The following WDR18 variants were observed in gnomAD, a reference collection of about 807,000 sequenced individuals.
WDR18 encodes the protein WD repeat domain 18, also known as WD repeat-containing protein 18.
In WDR18, 33 loss-of-function variants were observed where a neutral mutation model predicts 49.6. The observed-to-expected ratio is 0.67, with a 90% confidence interval of 0.50 to 0.89. The LOEUF (loss-of-function observed/expected upper bound fraction) is 0.89, where lower values mean the gene tolerates loss of function less well. WDR18 is among the 40% of genes least tolerant of loss of function. The pLI is 0.00. For synonymous variants in WDR18, 315 were observed against 263.6 expected, an observed-to-expected ratio of 1.19 and a Z score of -1.89; for missense variants, 653 against 593.6, an observed-to-expected ratio of 1.10 and a Z score of -1.04.
chr19:994,049 G>C lies in WDR18; in HGVS notation c.1128G>C (p.Thr376=), dbSNP rs749901185. ...CGGAGCCCAGCTACCTGGACCGCAC[G>C]GAGCAGCTGCAGGCCGTCCTGTGCA... ...QGSEPSYLDR[T]EQLQAVLCST... Residue 376 remains threonine (T), a synonymous_variant, in exon 9 of 10, where the codon ACG becomes ACC. Transcript: ENST00000585809. The C allele has an allele frequency of 4.5e-6, 7 of 1,560,868 alleles. No homozygotes were observed. Among genetic ancestry groups the C allele is most frequent in the African/African-American group, 2.7e-5 (2 of 73,596 alleles).
chr19:984,686 G>T, intron 1 of WDR18, 123 bp downstream of exon 1: 2 of 1,036,192 alleles, frequency 1.9e-6, no homozygotes, highest in Admixed American at 4.0e-5. Flanking sequence ...GGTGGTCTCC[G>T]TTCGGGCGCT....
At chr19:986,109 C>A in intron 2 of WDR18, 134 bp downstream of exon 2, 2 of 751,596 alleles carry the variant, frequency 2.7e-6, no homozygotes, top group South Asian at 3.4e-5. Flanking sequence ...ATAGCCTAAG[C>A]TTCACCCTGC....
At chr19:990,462 G>T in intron 4 of WDR18, 98 bp downstream of exon 4, 1 of 1,403,724 alleles carries the variant, frequency 7.1e-7, no homozygotes, top group Middle Eastern at 1.9e-4. Flanking sequence ...GCTCCCTGCT[G>T]TCAGGACTCC....
At position 994,206 on chromosome 19, in the gene WDR18, C is replaced by T; in HGVS notation, c.1168-7C>T. The T allele has an allele frequency of 1.9e-6, 3 of 1,596,458 alleles. No homozygotes were observed. Among genetic ancestry groups the T allele is most frequent in the South Asian group, 1.1e-5 (1 of 89,080 alleles). On this transcript the variant is annotated splice_region_variant and splice_polypyrimidine_tract_variant and intron_variant, in intron 9 of 9. Transcript: ENST00000585809. ...CTTCTGCCCTCTGACCCCGACTTCT[C>T]CCGCAGAGCGTGCTCGGCGGCCAGG...
At chr19:993,128 C>T (rs1441445071) in intron 8 of WDR18, among the ~76,000 whole-genome samples, 1 of 152,242 alleles carries the variant, frequency 6.6e-6, no homozygotes, top group Non-Finnish European at 1.5e-5. Flanking sequence ...AGGCCAGGAG[C>T]ACAGGCTGGA....
intron 7 of WDR18, 79 bp from the exon 8 acceptor site, chr19:991,876 C>G (rs2038559493): frequency 1.5e-6 from 2 of 1,340,752 alleles, no homozygotes; most frequent in Admixed American, 3.7e-5. Context: ...GGGGACTGCC[C>G]TGGATGGGGC....
At position 990,933 on chromosome 19, in the gene WDR18, G is replaced by A; in HGVS notation, c.679G>A (p.Glu227Lys). The change falls in exon 5 of 10, where the codon GAG becomes AAG. Residue 227 changes from glutamate to lysine, a missense_variant. Physicochemically the swap from Glu to Lys is moderately conservative, Grantham distance 56. Coordinates refer to ENST00000585809, the MANE Select transcript of WDR18 (RefSeq NM_024100.4). ...CATGGCAGTGACCATGGACCTGGCT[G>A]AGCACCATATGTTCTGCGGGGGCAG... Reference protein sequence around the residue: ...SIMAVTMDLAEHHMFCGGSEG... With the variant: ...SIMAVTMDLAKHHMFCGGSEG... The A allele has an allele frequency of 1.2e-6, 2 of 1,612,826 alleles. No homozygotes were observed. The highest frequency in any genetic ancestry group is 1.7e-6 in the Non-Finnish European group (2 of 1,179,902).
Position 994,060 on chromosome 19 carries a change from A to C in WDR18, c.1139A>C (p.Gln380Pro). The change falls in exon 9 of 10, where the codon CAG becomes CCG. Residue 380 changes from glutamine to proline, a missense_variant. Gln to Pro is a moderately conservative substitution (Grantham distance 76). Transcript: ENST00000585809. The stretch of plus-strand genomic sequence containing the variant: ...TACCTGGACCGCACGGAGCAGCTGC[A>C]GGCCGTCCTGTGCAGCACCATGGAG... ...PSYLDRTEQLQAVLCSTMEKS... is the reference protein window; with the variant it reads ...PSYLDRTEQLPAVLCSTMEKS... 1.3e-6 allele frequency: 2 copies of C among 1,560,422 alleles called. No homozygotes were observed. The highest frequency in any genetic ancestry group is 1.7e-6 in the Non-Finnish European group (2 of 1,153,796).
chr19:992,622 C>A (rs576856040), intron 8 of WDR18, among the ~76,000 whole-genome samples: 4 of 152,178 alleles, frequency 2.6e-5, no homozygotes, highest in African/African-American at 9.6e-5. Flanking sequence ...CACCGACCCC[C>A]GCTCTGTGCA....
upstream of WDR18, among the ~76,000 whole-genome samples, chr19:983,969 G>A (rs2038445663): frequency 6.6e-6 from 1 of 152,194 alleles, no homozygotes; most frequent in African/African-American, 2.4e-5. Flanking sequence ...TAGGCGCAAT[G>A]TGTCATTTAG....
upstream of WDR18, among the ~76,000 whole-genome samples, chr19:983,765 C>G (rs1231787033): frequency 2.0e-5 from 3 of 151,472 alleles, no homozygotes; most frequent in Non-Finnish European, 4.4e-5. Context: ...CTGGGCCGGG[C>G]GCGGTGGCTC....
At position 985,877 on chromosome 19, in the gene WDR18, C is replaced by G. The variant is rs778186930; in HGVS notation, c.223C>G (p.Gln75Glu). The G allele has an allele frequency of 1.9e-6, 3 of 1,613,876 alleles. No individual in the cohort carries two copies. In the East Asian group the frequency reaches 6.7e-5, roughly 36 times the overall value. Residue 75 changes from glutamine to glutamate, a missense_variant, in exon 2 of 10, where the codon CAG (glutamine) becomes GAG (glutamate). By Grantham distance (29) the Gln-to-Glu change is conservative (BLOSUM62 2). Coordinates refer to ENST00000585809, the MANE Select transcript of WDR18 (RefSeq NM_024100.4). ...WELQRKDQLQ[Q>E]KIMCPGPVTC... ...TGTGCATCCTTAGGACCAGCTCCAGCAGAAGATCATGTGCCCCGGGCCTGT... is the reference window on the plus strand; with the variant it reads ...TGTGCATCCTTAGGACCAGCTCCAGGAGAAGATCATGTGCCCCGGGCCTGT...
chr19:993,971 GGTGT>G (rs1325530728), intron 8 of WDR18, 45 bp from the exon 9 acceptor site: 13 of 1,542,120 alleles, frequency 8.4e-6, no homozygotes, highest in South Asian at 6.0e-5. Flanking sequence ...CAAAGCGTGT[GGTGT>G]GTGACAGGAC....
At chr19:986,041 G>T (rs922275012) in intron 2 of WDR18, 66 bp downstream of exon 2, 35 of 1,515,956 alleles carry the variant, frequency 2.3e-5, no homozygotes, top group Non-Finnish European at 3.1e-5. Context: ...TTGCCTGCAG[G>T]GCACCAGGGA....
chr19:987,948 C>T (rs1199277029), intron 2 of WDR18, among the ~76,000 whole-genome samples: 5 of 150,730 alleles, frequency 3.3e-5, no homozygotes, highest in African/African-American at 1.2e-4. Context: ...GATTCTCCTG[C>T]CTCAGCCTCC....
intron 2 of WDR18, among the ~76,000 whole-genome samples, chr19:988,766 C>A (rs886234175): frequency 2.6e-5 from 4 of 152,178 alleles, no homozygotes; most frequent in Non-Finnish European, 4.4e-5. Flanking sequence ...GTGACTGTCC[C>A]CTGCCTCTGC....
intron 8 of WDR18, among the ~76,000 whole-genome samples, chr19:993,305 C>T (rs1226376383): frequency 6.6e-6 from 1 of 152,260 alleles, no homozygotes; most frequent in Non-Finnish European, 1.5e-5. Context: ...CGATTCCTGC[C>T]CAGCCAAGCG....
chr19:993,145 G>A (rs2038581308), intron 8 of WDR18, among the ~76,000 whole-genome samples: 2 of 152,256 alleles, frequency 1.3e-5, no homozygotes, highest in Non-Finnish European at 2.9e-5. Context: ...TGGACTGACT[G>A]CTAACAGCGT....
In WDR18 at chr19:989,744, A is replaced by G. The variant is rs2038519433; in HGVS notation, c.322-18A>G. 6.2e-7 allele frequency: 1 copy of G among 1,611,720 alleles called. No individual in the cohort carries two copies. Among genetic ancestry groups the G allele is most frequent in the African/African-American group, 1.3e-5 (1 of 74,792 alleles). On this transcript the variant is annotated intron_variant, in intron 2 of 9. Transcript: ENST00000585809. The stretch of plus-strand genomic sequence containing the variant: ...GGGGCTTTCCTCCCCTGACCTGGAT[A>G]CCCTCTGCCCCTCACAGGTCTCCAC...
Sources: gnomAD v4.1 joint callset for allele counts (sites outside exome capture counted in the v4.1 genomes callset) on GRCh38, gnomAD v4.1.1 for gene constraint, MANE v1.5 for transcripts, NCBI Gene and HGNC (gene_info 2026-07-23, HGNC 2026-07-21) for gene names.